The following SNAP29 variants were observed in gnomAD, a reference collection of about 807,000 sequenced individuals.
SNAP29 encodes synaptosome associated protein 29.
A neutral mutation model predicts 27.9 loss-of-function variants in SNAP29; 13 were observed. That is an observed-to-expected ratio of 0.47 (90% CI 0.30 to 0.74). The LOEUF is 0.74. Ranked by LOEUF, SNAP29 falls within the 30% of genes least tolerant of loss-of-function variation. The pLI, the probability that SNAP29 is intolerant of heterozygous loss-of-function variation, is 0.06. For missense variants in SNAP29, 368 were observed against 336.5 expected (o/e 1.09, Z -0.73); for synonymous variants, 119 against 127.1 (o/e 0.94, Z 0.43).
chr22:20,861,911 G>A (rs1248560199), intron 1 of SNAP29, among the ~76,000 whole-genome samples: 1 of 152,114 alleles, frequency 6.6e-6, no homozygotes, highest in African/African-American at 2.4e-5. Flanking sequence ...GGGATTACAG[G>A]CGTGAGCGAC....
At chr22:20,882,964 A>G (rs1569120485) in intron 3 of SNAP29, among the ~76,000 whole-genome samples, 1 of 149,998 alleles carries the variant, frequency 6.7e-6, no homozygotes, top group Non-Finnish European at 1.5e-5. Flanking sequence ...TTCAAGGAAG[A>G]TTTCTTGTGG....
In SNAP29 at chr22:20,889,087, A is replaced by C. The variant is rs1929092077; in HGVS notation, c.*1251A>C. The C allele has an allele frequency of 6.6e-6, 1 of 152,228 alleles. No individual in the cohort carries two copies. Among genetic ancestry groups the C allele is most frequent in the Non-Finnish European group, 1.5e-5 (1 of 68,038 alleles). The allele number at this position is 152,228 out of a possible 1,614,324, so 9.4% of individuals were successfully genotyped here. Reference sequence around the variant, plus strand: ...ACAAGGCCCTTGTCTTTTTAAAAAAACAAAATATTTTGAAGATGGTGAAAG... The same window carrying C: ...ACAAGGCCCTTGTCTTTTTAAAAAACCAAAATATTTTGAAGATGGTGAAAG... On this transcript the variant is annotated 3_prime_UTR_variant, in exon 5 of 5. Coordinates refer to ENST00000215730, the MANE Select transcript of SNAP29 (RefSeq NM_004782.4).
chr22:20,880,808 A>C (rs569146419), intron 2 of SNAP29, among the ~76,000 whole-genome samples: 1 of 152,094 alleles, frequency 6.6e-6, no homozygotes, highest in Non-Finnish European at 1.5e-5. Flanking sequence ...GATTACAGGC[A>C]TGAGTCACCA....
chr22:20,865,815 A>G lies in SNAP29; in HGVS notation c.238-4522A>G, dbSNP rs147010584. 1.9e-4 allele frequency among the ~76,000 whole-genome samples: 29 copies of G among 152,296 alleles called. No homozygotes were observed. The East Asian group carries it at 4.6e-3, about 24-fold the overall frequency. ...CTCTCCCCATGGAGTCATGTGGACA[A>G]CACTTCTCCAAGCAGTGCGTGACAA... On this transcript the variant is annotated intron_variant, in intron 1 of 4. Transcript: ENST00000215730.
intron 1 of SNAP29, among the ~76,000 whole-genome samples, chr22:20,862,754 T>C (rs1306793382): frequency 6.6e-6 from 1 of 152,184 alleles, no homozygotes; most frequent in African/African-American, 2.4e-5. Flanking sequence ...CAGGTGCTCT[T>C]GTCAGTGAGA....
chr22:20,879,559 G>T (rs1928839112), intron 2 of SNAP29, among the ~76,000 whole-genome samples: 1 of 151,060 alleles, frequency 6.6e-6, no homozygotes, highest in Non-Finnish European at 1.5e-5. Flanking sequence ...AACAATTTAA[G>T]AATTGGCCAA....
At chr22:20,863,611 A>G (rs772698594) in intron 1 of SNAP29, among the ~76,000 whole-genome samples, 16 of 152,190 alleles carry the variant, frequency 1.1e-4, no homozygotes, top group Non-Finnish European at 2.1e-4. Context: ...TTGTAGAACT[A>G]CAGGGAGACT....
chr22:20,887,732 A>C lies in SNAP29; in HGVS notation c.673A>C (p.Thr225Pro). The change falls in exon 5 of 5, where the codon ACA (threonine) becomes CCA (proline). Residue 225 changes from threonine (T) to proline (P), a missense_variant. By Grantham distance (38) the Thr-to-Pro change is conservative. Transcript: ENST00000215730. ...RLKDIALGMQ[T>P]EIEEQDDILD... ...GAAGGACATAGCCCTGGGGATGCAG[A>C]CAGAAATTGAGGAGCAAGATGACAT... 2 of 1,614,182 alleles carry C rather than the reference A, an allele frequency of 1.2e-6. No homozygotes were observed. The highest frequency in any genetic ancestry group is 8.5e-7 in the Non-Finnish European group (1 of 1,180,032).
intron 4 of SNAP29, among the ~76,000 whole-genome samples, chr22:20,886,994 C>T (rs905762081): frequency 2.6e-5 from 4 of 151,912 alleles, no homozygotes; most frequent in South Asian, 4.1e-4. Context: ...GAGGCCAAGA[C>T]GGGCGGATCA....
intron 1 of SNAP29, among the ~76,000 whole-genome samples, chr22:20,865,651 A>AT (rs1928440960): frequency 6.6e-6 from 1 of 152,226 alleles, no homozygotes; most frequent in African/African-American, 2.4e-5. Context: ...AACTTCACTG[A>AT]TTCACTGGAA....
intron 1 of SNAP29, among the ~76,000 whole-genome samples, chr22:20,866,078 A>G (rs912722782): frequency 1.3e-5 from 2 of 152,218 alleles, no homozygotes; most frequent in Non-Finnish European, 2.9e-5. Context: ...GATATTCCAA[A>G]AACAAGGAAC....
intron 4 of SNAP29, among the ~76,000 whole-genome samples, chr22:20,884,078 A>G (rs1418074380): frequency 6.6e-6 from 1 of 152,206 alleles, no homozygotes; most frequent in Non-Finnish European, 1.5e-5. Flanking sequence ...CACGCCTGCA[A>G]TCCCAGCACT....
intron 2 of SNAP29, chr22:20,871,150 G>A (rs1928581862): frequency 6.5e-6 from 1 of 153,038 alleles, no homozygotes; most frequent in Admixed American, 6.5e-5. Context: ...AAGTCTTTAT[G>A]TCTAAATTTG....
chr22:20,869,123 G>T (rs2056226269), intron 1 of SNAP29, among the ~76,000 whole-genome samples: 1 of 152,200 alleles, frequency 6.6e-6, no homozygotes, highest in Admixed American at 6.5e-5. Flanking sequence ...AGCCAGGCAT[G>T]GTGGCAGGCG....
intron 1 of SNAP29, among the ~76,000 whole-genome samples, chr22:20,869,651 A>G (rs1273372078): frequency 2.6e-5 from 4 of 152,144 alleles, no homozygotes; most frequent in Non-Finnish European, 5.9e-5. Context: ...TATAAGAACC[A>G]AAGTCCAGGG....
At chr22:20,887,428 A>G (rs1343196171) in intron 4 of SNAP29, among the ~76,000 whole-genome samples, 1 of 151,972 alleles carries the variant, frequency 6.6e-6, no homozygotes, top group East Asian at 1.9e-4. Flanking sequence ...AGCCCTGGGC[A>G]TATCTCCCTA....
At chr22:20,868,961 G>A (rs1928522973) in intron 1 of SNAP29, among the ~76,000 whole-genome samples, 2 of 152,208 alleles carry the variant, frequency 1.3e-5, no homozygotes, top group Non-Finnish European at 2.9e-5. Context: ...ACTCAGCAGT[G>A]AACAGAGCAA....
intron 1 of SNAP29, among the ~76,000 whole-genome samples, chr22:20,869,816 G>T (rs1569116498): frequency 1.3e-5 from 2 of 151,756 alleles, no homozygotes; most frequent in Non-Finnish European, 2.9e-5. Flanking sequence ...TGTCGCCCAG[G>T]CTGGAGTACA....
chr22:20,885,722 C>T (rs955448337), intron 4 of SNAP29, among the ~76,000 whole-genome samples: 8 of 152,160 alleles, frequency 5.3e-5, no homozygotes, highest in East Asian at 1.9e-4. Flanking sequence ...GGGCAGTTAC[C>T]GGCAGGACGC....
Sources: gnomAD v4.1 joint callset for allele counts (sites outside exome capture counted in the v4.1 genomes callset) on GRCh38, gnomAD v4.1.1 for gene constraint, MANE v1.5 for transcripts, NCBI Gene and HGNC (gene_info 2026-07-23, HGNC 2026-07-21) for gene names.